The following MTHFD1 variants were observed in gnomAD, a reference collection of about 807,000 sequenced individuals.
MTHFD1 encodes C-1-tetrahydrofolate synthase, cytoplasmic.
In MTHFD1, 44 loss-of-function variants were observed where a neutral mutation model predicts 110.3. The observed-to-expected ratio is 0.40, with a 90% CI of 0.31 to 0.51. MTHFD1 has a LOEUF of 0.51. Ranked by LOEUF, MTHFD1 falls within the 20% of genes least tolerant of loss-of-function variation. The pLI is 0.60. For missense variants in MTHFD1, 909 were observed against 1,173.1 expected, an observed-to-expected ratio of 0.77 and a Z score of 3.29; for synonymous variants, 402 against 428.8, an observed-to-expected ratio of 0.94 and a Z score of 0.77.
chr14:64,434,349 G>A (rs961974592), intron 15 of MTHFD1, among the ~76,000 whole-genome samples: 2 of 152,044 alleles, frequency 1.3e-5, no homozygotes, highest in Non-Finnish European at 2.9e-5. Flanking sequence ...CCAGCAGTTC[G>A]AGACCAGCCT....
At position 64,431,603 on chromosome 14, in the gene MTHFD1, T is replaced by C; in HGVS notation, c.1383T>C (p.Asp461=). ...AANNLVAAAI[D]ARIFHELTQT... Reference sequence around the variant, plus strand: ...ATAACCTCGTTGCTGCGGCCATTGATGCTCGGATATTTCATGAACTGACCC... The same window carrying C: ...ATAACCTCGTTGCTGCGGCCATTGACGCTCGGATATTTCATGAACTGACCC... Residue 461 remains aspartate, a synonymous_variant, in exon 14 of 28, where the codon GAT becomes GAC. Transcript: ENST00000652337. 6.2e-7 allele frequency: 1 copy of C among 1,614,202 alleles called. No individual in the cohort carries two copies. Among genetic ancestry groups the C allele is most frequent in the Non-Finnish European group, 8.5e-7 (1 of 1,180,024 alleles).
chr14:64,441,028 A>T (rs914222575), intron 18 of MTHFD1: 6 of 345,140 alleles, frequency 1.7e-5, no homozygotes, highest in African/African-American at 6.4e-5. Flanking sequence ...TGTCTCTACT[A>T]AAAATACAAA....
At chr14:64,440,393 C>A in intron 18 of MTHFD1, 127 bp downstream of exon 18, 6 of 1,170,262 alleles carry the variant, frequency 5.1e-6, no homozygotes, top group South Asian at 3.9e-5. Flanking sequence ...TCAATTTAAT[C>A]CTATTTTGCT....
At chr14:64,428,439 T>C (rs2078134649) in intron 12 of MTHFD1, among the ~76,000 whole-genome samples, 1 of 151,934 alleles carries the variant, frequency 6.6e-6, no homozygotes, top group Non-Finnish European at 1.5e-5. Flanking sequence ...AAATAATGTT[T>C]ATTAATTATG....
intron 17 of MTHFD1, among the ~76,000 whole-genome samples, chr14:64,439,620 G>A (rs1399103243): frequency 3.3e-5 from 5 of 152,152 alleles, no homozygotes; most frequent in African/African-American, 1.2e-4. Context: ...ACAACTCAGG[G>A]CTGGGCGTGG....
intron 19 of MTHFD1, chr14:64,441,820 AT>A: frequency 5.2e-6 from 3 of 578,630 alleles, no homozygotes; most frequent in Non-Finnish European, 9.2e-6. Context: ...AAAAAAAAAA[AT>A]TAAGCACACT....
chr14:64,452,002 A>AATTT (rs2078380385), intron 24 of MTHFD1, among the ~76,000 whole-genome samples: 1 of 152,222 alleles, frequency 6.6e-6, no homozygotes, highest in African/African-American at 2.4e-5. Context: ...TGCTCCTTTT[A>AATTT]AAAACAAAAC....
chr14:64,418,909 C>CA (rs2078047765), intron 7 of MTHFD1, among the ~76,000 whole-genome samples: 1 of 151,510 alleles, frequency 6.6e-6, no homozygotes, highest in Non-Finnish European at 1.5e-5. Context: ...GGCTAGAGTG[C>CA]AGTGGCAGTC....
chr14:64,436,785 TAAGG>T (rs2078209402), intron 16 of MTHFD1, among the ~76,000 whole-genome samples: 1 of 152,256 alleles, frequency 6.6e-6, no homozygotes, highest in Non-Finnish European at 1.5e-5. Flanking sequence ...TAATATTTTA[TAAGG>T]AATAAGCTAA....
intron 6 of MTHFD1, among the ~76,000 whole-genome samples, chr14:64,416,841 C>T (rs888314818): frequency 6.6e-6 from 1 of 152,200 alleles, no homozygotes. Flanking sequence ...AGTGATGCTA[C>T]CATTTGCCCT....
intron 22 of MTHFD1, 104 bp from the exon 23 acceptor site, chr14:64,448,113 T>TA: frequency 2.5e-6 from 2 of 804,970 alleles, no homozygotes; most frequent in South Asian, 1.4e-5. Context: ...CTTGTCCTGA[T>TA]AGTGAGTGGC....
rs962349474 is a variant in MTHFD1 at position 64,448,822 on chromosome 14, C to T, written c.2279+505C>T. Among the ~76,000 whole-genome samples, 119 of 146,516 alleles carry T rather than the reference C, an allele frequency of 8.1e-4. 3 individuals carry two copies. The highest frequency in any genetic ancestry group is 3.1e-4 in the African/African-American group (12 of 38,924). ...AAAATCTTTTTTTTTTTTTGGGGGACGAAGTCTGTCTCTGTTGCCCAGGCT... is the reference window on the plus strand; with the variant it reads ...AAAATCTTTTTTTTTTTTTGGGGGATGAAGTCTGTCTCTGTTGCCCAGGCT... On this transcript the variant is annotated intron_variant, in intron 23 of 27. Transcript: ENST00000652337.
intron 27 of MTHFD1, chr14:64,458,655 T>C (rs2078513914): frequency 5.4e-6 from 2 of 368,072 alleles, no homozygotes. Flanking sequence ...GATGACACAT[T>C]GCAGGTCAGG....
At chr14:64,444,095 T>C (rs546900326) in intron 21 of MTHFD1, among the ~76,000 whole-genome samples, 74 of 148,888 alleles carry the variant, frequency 5.0e-4, no homozygotes, top group African/African-American at 1.6e-3. Flanking sequence ...AGCCACGGCA[T>C]AGATCAAGAC....
In MTHFD1 at chr14:64,427,489, G is replaced by T; in HGVS notation, c.1264+16G>T. The T allele has an allele frequency of 3.7e-6, 6 of 1,613,830 alleles. No individual in the cohort carries two copies. The highest frequency in any genetic ancestry group is 5.1e-6 in the Non-Finnish European group (6 of 1,179,916). ...GGAATAAAAGGTACTAGTGAGACTG[G>T]ACCATGGGTGGTGACAGGGGACCTG... On this transcript the variant is annotated intron_variant, in intron 12 of 27. Transcript: ENST00000652337.
At chr14:64,402,410 C>T (rs974991091) in intron 2 of MTHFD1, among the ~76,000 whole-genome samples, 5 of 152,280 alleles carry the variant, frequency 3.3e-5, no homozygotes, top group Non-Finnish European at 7.4e-5. Context: ...TTTTAATTTT[C>T]ACCCAAAAAC....
chr14:64,421,621 T>C (rs895337846), intron 8 of MTHFD1, among the ~76,000 whole-genome samples: 1 of 136,942 alleles, frequency 7.3e-6, no homozygotes, highest in African/African-American at 2.8e-5. Context: ...ATTTATTTTT[T>C]TAATTTTTTT....
chr14:64,390,787 T>C (rs2077798059), intron 1 of MTHFD1, among the ~76,000 whole-genome samples: 1 of 152,188 alleles, frequency 6.6e-6, no homozygotes, highest in South Asian at 2.1e-4. Context: ...TAGCTGAGAC[T>C]ACAGGTGTGT....
chr14:64,444,553 C>T, intron 21 of MTHFD1, 140 bp from the exon 22 acceptor site: 1 of 935,560 alleles, frequency 1.1e-6, no homozygotes, highest in Non-Finnish European at 1.7e-6. Flanking sequence ...TACCCTAAGT[C>T]CTTAGGGCAG....
Sources: gnomAD v4.1 joint callset for allele counts (sites outside exome capture counted in the v4.1 genomes callset) on GRCh38, gnomAD v4.1.1 for gene constraint, MANE v1.5 for transcripts, NCBI Gene and HGNC (gene_info 2026-07-23, HGNC 2026-07-21) for gene names.